The following CASK variants were observed in gnomAD, a reference collection of about 807,000 sequenced individuals.
CASK encodes the protein peripheral plasma membrane protein CASK.
In CASK, 4 loss-of-function variants were observed where a neutral mutation model predicts 82.9. The observed-to-expected ratio is 0.05, with a 90% CI of 0.02 to 0.11. The LOEUF is 0.11. Among genes scored for constraint, CASK ranks in the 10% least tolerant of loss-of-function variants. The pLI is 1.00. For missense variants in CASK, 358 were observed against 720.9 expected (o/e 0.50, Z 5.76); for synonymous variants, 259 against 253.5 (o/e 1.02, Z -0.20).
intron 10 of CASK, among the ~76,000 whole-genome samples, chrX:41,622,880 ATT>A (rs970144546): frequency 4.1e-5 from 4 of 96,821 alleles, no homozygotes. Context: ...TTCAACATTG[ATT>A]TTTTTTTTTT....
intron 1 of CASK, among the ~76,000 whole-genome samples, chrX:41,901,168 T>A (rs1007455137): frequency 8.9e-6 from 1 of 112,361 alleles, no homozygotes; most frequent in Non-Finnish European, 1.9e-5. Context: ...CAGTTTTGCA[T>A]TAGTGTCTGC....
At chrX:41,579,024 G>A (rs981096426) in intron 14 of CASK, among the ~76,000 whole-genome samples, 2 of 111,758 alleles carry the variant, frequency 1.8e-5, no homozygotes, top group Admixed American at 9.5e-5. Flanking sequence ...GAAGGTAGAC[G>A]GTACAATTTC....
intron 16 of CASK, among the ~76,000 whole-genome samples, chrX:41,565,316 C>CA (rs1371899571): frequency 2.7e-5 from 3 of 110,410 alleles, no homozygotes; most frequent in Non-Finnish European, 5.7e-5. Context: ...CTGAAAAGAC[C>CA]AAAAAAATTG....
chrX:41,917,233 C>T (rs1036671779), intron 1 of CASK, among the ~76,000 whole-genome samples: 5 of 111,843 alleles, frequency 4.5e-5, no homozygotes, highest in Non-Finnish European at 7.5e-5. Flanking sequence ...TGATCTTAGG[C>T]GAATTACTGA....
rs2065711327 is a variant in CASK at position 41,589,505 on chromosome X, T to C, written c.1233+10A>G. On this transcript the variant is annotated intron_variant, in intron 13 of 26. Transcript: ENST00000378163. ...TGATGCCAAATACTTCTATAAAATATATCACTTACCTCTTTGGCTCTCTGT... is the reference window on the plus strand; with the variant it reads ...TGATGCCAAATACTTCTATAAAATACATCACTTACCTCTTTGGCTCTCTGT... 2.6e-6 allele frequency: 3 copies of C among 1,150,169 alleles called. No individual in the cohort carries two copies. Among genetic ancestry groups the C allele is most frequent in the Non-Finnish European group, 3.6e-6 (3 of 840,965 alleles). 94.8% of individuals were successfully genotyped at this position (1,150,169 alleles called of 1,213,427 possible).
intron 8 of CASK, among the ~76,000 whole-genome samples, chrX:41,649,246 T>C (rs2066820680): frequency 8.9e-6 from 1 of 111,889 alleles, no homozygotes; most frequent in South Asian, 3.7e-4. Context: ...TGTGTCTCTA[T>C]TTCCTTCAGT....
At chrX:41,527,229 G>A (rs1433753973) in intron 25 of CASK, among the ~76,000 whole-genome samples, 1 of 110,323 alleles carries the variant, frequency 9.1e-6, no homozygotes, top group Non-Finnish European at 1.9e-5. Context: ...GAGGGGGAGA[G>A]GCAGAGAGAG....
intron 8 of CASK, among the ~76,000 whole-genome samples, chrX:41,653,725 T>C: frequency 8.9e-6 from 1 of 112,450 alleles, no homozygotes; most frequent in Non-Finnish European, 1.9e-5. Context: ...ATTTCATAGA[T>C]TGGTATCATC....
At chrX:41,724,335 T>C (rs1012767210) in intron 5 of CASK, 11 of 112,829 alleles carry the variant, frequency 9.7e-5, no homozygotes, top group Non-Finnish European at 1.5e-4. Flanking sequence ...TTAAACTCTA[T>C]AAAAATAAAC....
chrX:41,661,880 G>GT (rs2067039848), intron 7 of CASK, among the ~76,000 whole-genome samples: 2 of 110,989 alleles, frequency 1.8e-5, no homozygotes, highest in Admixed American at 9.7e-5. Flanking sequence ...TTGAAATGAG[G>GT]TAAGTGATTA....
intron 3 of CASK, among the ~76,000 whole-genome samples, chrX:41,750,887 T>C (rs762044729): frequency 8.8e-4 from 98 of 111,775 alleles, no homozygotes; most frequent in African/African-American, 3.0e-3. Flanking sequence ...GTCAAATTGC[T>C]GTAACAGTTT....
chrX:41,835,958 A>G (rs2070918939), intron 2 of CASK, among the ~76,000 whole-genome samples: 2 of 112,061 alleles, frequency 1.8e-5, no homozygotes, highest in Admixed American at 9.5e-5. Context: ...GCTTGTCATA[A>G]TACAGCAAAA....
intron 1 of CASK, among the ~76,000 whole-genome samples, chrX:41,869,836 A>T (rs1255492954): frequency 1.0e-5 from 1 of 97,465 alleles, no homozygotes; most frequent in Non-Finnish European, 2.1e-5. Context: ...AAAAAAAAAA[A>T]GCCAAAATTT....
At position 41,854,209 on chromosome X, in the gene CASK, CGCGCGCGG is replaced by C. The variant is rs1252001276; in HGVS notation, c.60-990_60-983del. On this transcript the variant is annotated intron_variant, in intron 1 of 26. Transcript: ENST00000378163. The stretch of plus-strand genomic sequence containing the variant: ...TACCCTGGTCCAGGGAACATGCGCG[CGCGCGCGG>C]GCGCGCGCACACACACACACACACA... 4.2e-4 allele frequency among the ~76,000 whole-genome samples: 37 copies of C among 88,208 alleles called. No homozygotes were observed. The South Asian group carries it at 6.0e-3, about 14-fold the overall frequency. The allele number at this position is 88,208 out of a possible 115,157, so 76.6% of individuals were successfully genotyped here.
At chrX:41,784,374 T>C (rs1303687280) in intron 3 of CASK, among the ~76,000 whole-genome samples, 1 of 112,369 alleles carries the variant, frequency 8.9e-6, no homozygotes, top group Non-Finnish European at 1.9e-5. Context: ...GAATTCAAAA[T>C]CAATACTAAG....
chrX:41,918,533 T>C (rs2072731058), intron 1 of CASK, among the ~76,000 whole-genome samples: 1 of 112,354 alleles, frequency 8.9e-6, no homozygotes, highest in African/African-American at 3.2e-5. Flanking sequence ...GAAGCAATCC[T>C]TGTTCTGTGT....
In CASK at chrX:41,595,946, T is replaced by C. The variant is rs2065814063; in HGVS notation, c.1156-6354A>G. ...ACTATTAGCTACTCAATTACAAGCC[T>C]TGCCATGTTAAAGAATGTCAGGATT... On this transcript the variant is annotated intron_variant, in intron 12 of 26. Transcript: ENST00000378163. Among the ~76,000 whole-genome samples the C allele has an allele frequency of 2.7e-5, 3 of 111,682 alleles. No homozygotes were observed. The Admixed American group carries it at 2.8e-4, about 11-fold the overall frequency.
chrX:41,904,095 C>G (rs918210697), intron 1 of CASK, among the ~76,000 whole-genome samples: 2 of 111,877 alleles, frequency 1.8e-5, no homozygotes, highest in African/African-American at 6.5e-5. Flanking sequence ...TCTATATCAA[C>G]AGATTTACCT....
At chrX:41,751,610 T>G (rs1199624785) in intron 3 of CASK, among the ~76,000 whole-genome samples, 1 of 110,329 alleles carries the variant, frequency 9.1e-6, no homozygotes, top group Non-Finnish European at 1.9e-5. Flanking sequence ...CAGGGTCCAG[T>G]TGCTTTTGCA....
Sources: allele counts gnomAD v4.1 joint callset (sites outside exome capture counted in the v4.1 genomes callset), GRCh38; gene constraint gnomAD v4.1.1; transcripts MANE v1.5; gene names NCBI Gene and HGNC (gene_info 2026-07-23, HGNC 2026-07-21).